KATNB1: variants seen among roughly 807,000 people sequenced by gnomAD.
KATNB1 encodes the protein katanin p80 WD40 repeat-containing subunit B1.
In KATNB1, 38 loss-of-function variants were observed where a neutral mutation model predicts 82.3. That is an observed-to-expected ratio of 0.46 (90% confidence interval 0.36 to 0.61). The LOEUF (loss-of-function observed/expected upper bound fraction) is 0.61, where lower values mean the gene tolerates loss of function less well. KATNB1 is among the 20% of genes least tolerant of loss of function. The probability of loss-of-function intolerance (pLI) is 0.00; values close to 1 mark genes in which losing one functional copy is unlikely to be tolerated. For synonymous variants in KATNB1, 361 were observed against 368.7 expected, an observed-to-expected ratio of 0.98 and a Z score of 0.24; for missense variants, 749 against 915.7, an observed-to-expected ratio of 0.82 and a Z score of 2.35.
At chr16:57,748,585 G>A (rs938817641) in intron 4 of KATNB1, among the ~76,000 whole-genome samples, 1 of 152,078 alleles carries the variant, frequency 6.6e-6, no homozygotes, top group Admixed American at 6.6e-5. Context: ...GGGAGGCGTT[G>A]GGGGTTCCTG....
chr16:57,744,010 CAG>C, intron 3 of KATNB1, among the ~76,000 whole-genome samples: 1 of 152,212 alleles, frequency 6.6e-6, no homozygotes, highest in Non-Finnish European at 1.5e-5. Flanking sequence ...TTGCCTGGGG[CAG>C]AGTGAAGATG....
intron 3 of KATNB1, among the ~76,000 whole-genome samples, chr16:57,743,316 G>A (rs1316725642): frequency 6.6e-6 from 1 of 152,102 alleles, no homozygotes; most frequent in Non-Finnish European, 1.5e-5. Flanking sequence ...AAAGAATATG[G>A]CAAAGGATGA....
chr16:57,740,996 G>A (rs1047198349), intron 2 of KATNB1, among the ~76,000 whole-genome samples: 2 of 152,180 alleles, frequency 1.3e-5, no homozygotes, highest in Non-Finnish European at 2.9e-5. Flanking sequence ...AGACACCACG[G>A]GCATCCCCAC....
intron 2 of KATNB1, among the ~76,000 whole-genome samples, chr16:57,740,055 C>T (rs1458068198): frequency 6.6e-6 from 1 of 152,212 alleles, no homozygotes; most frequent in Admixed American, 6.5e-5. Context: ...AGGTGCTTTG[C>T]CCTCTTTCTG....
Position 57,751,204 on chromosome 16 carries a change from C to G in KATNB1, c.391-57C>G. On this transcript the variant is annotated intron_variant, in intron 5 of 19. Coordinates refer to ENST00000379661, the MANE Select transcript of KATNB1 (RefSeq NM_005886.3). This position sits in a 1 kb window ranked among gnomAD's most constrained non-coding sequence, Gnocchi z 6.3. ...TCTGCTCACGACTGCACACCTTCCT[C>G]CAGTCGTGGCTCTGACCTCTCCTGA... 6.5e-7 allele frequency: 1 copy of G among 1,528,078 alleles called. No homozygotes were observed. The highest frequency in any genetic ancestry group is 9.1e-7 in the Non-Finnish European group (1 of 1,101,780). 94.7% of individuals were successfully genotyped at this position (1,528,078 alleles called of 1,614,324 possible).
intron 4 of KATNB1, among the ~76,000 whole-genome samples, chr16:57,746,367 C>A (rs1167307888): frequency 6.7e-6 from 1 of 148,154 alleles, no homozygotes; most frequent in Non-Finnish European, 1.5e-5. Flanking sequence ...TCTCTCTTTT[C>A]TTTCCTCTCT....
chr16:57,749,006 G>T (rs1421668581), intron 4 of KATNB1, among the ~76,000 whole-genome samples: 1 of 152,232 alleles, frequency 6.6e-6, no homozygotes, highest in Non-Finnish European at 1.5e-5. Context: ...ACGGAGCAAG[G>T]AGTGACAGCT....
chr16:57,752,098 T>C, intron 8 of KATNB1, 43 bp downstream of exon 8: 1 of 1,254,278 alleles, frequency 8.0e-7, no homozygotes, highest in South Asian at 1.2e-5. Flanking sequence ...ACTGCTGTCC[T>C]TCACCGCCTT....
chr16:57,744,424 A>G lies in KATNB1; in HGVS notation c.202A>G (p.Ser68Gly). 6.2e-7 allele frequency: 1 copy of G among 1,613,696 alleles called. No homozygotes were observed. The highest frequency in any genetic ancestry group is 8.5e-7 in the Non-Finnish European group (1 of 1,179,986). Residue 68 changes from serine to glycine, a missense_variant, in exon 4 of 20, where the codon AGC (serine) becomes GGC (glycine). This residue lies in a region of KATNB1 where 247 missense variants were observed against 349.4 expected (regional missense o/e 0.71). Transcript: ENST00000379661. ...SLTGHTSPVE[S>G]VRLNTPEELI... ...GACGGGCCACACATCCCCAGTGGAG[A>G]GCGTCCGCCTCAACACCCCCGAGGA...
chr16:57,748,575 G>A (rs781992940), intron 4 of KATNB1, among the ~76,000 whole-genome samples: 7 of 152,030 alleles, frequency 4.6e-5, no homozygotes, highest in African/African-American at 1.4e-4. Flanking sequence ...GTGCTCAGCT[G>A]GGAGGCGTTG....
chr16:57,754,974 G>A lies in KATNB1; in HGVS notation c.1273G>A (p.Asp425Asn). The A allele has an allele frequency of 6.2e-7, 1 of 1,614,108 alleles. No homozygotes were observed. Among genetic ancestry groups the A allele is most frequent in the South Asian group, 1.1e-5 (1 of 91,090 alleles). Residue 425 changes from aspartate to asparagine, a missense_variant, in exon 14 of 20, where the codon GAT becomes AAT. By Grantham distance (23) the Asp-to-Asn change is conservative (BLOSUM62 1). This residue lies in a region of KATNB1 where 407 missense variants were observed against 434.7 expected (regional missense o/e 0.94). Coordinates refer to ENST00000379661, the MANE Select transcript of KATNB1 (RefSeq NM_005886.3). Reference protein sequence around the residue: ...KEAAKPSPAMDVQFPVPNLEV... With the variant: ...KEAAKPSPAMNVQFPVPNLEV... ...GGCAGCAAAGCCCAGCCCTGCCATG[G>A]ATGTGCAGTTCCCGGTGCCAAATGT...
At position 57,741,697 on chromosome 16, in the gene KATNB1, C is replaced by G. The variant is rs782077364; in HGVS notation, c.51C>G (p.Val17=). 14 of 1,613,638 alleles carry G rather than the reference C, an allele frequency of 8.7e-6. No individual in the cohort carries two copies. The Admixed American group carries it at 2.2e-4, about 25-fold the overall frequency. ...TKTAWKLQEI[V]AHASNVSSLV... ...TCCTTCCCTGTGTAGAAGAGATCGT[C>G]GCGCATGCCAGCAACGTGTCCTCAC... Residue 17 remains valine, a synonymous_variant, in exon 3 of 20, where the codon GTC becomes GTG. Transcript: ENST00000379661.
intron 3 of KATNB1, among the ~76,000 whole-genome samples, chr16:57,743,098 C>T (rs1196728690): frequency 2.0e-5 from 3 of 152,144 alleles, no homozygotes; most frequent in African/African-American, 7.2e-5. Flanking sequence ...TTTGAGACCG[C>T]CCTGGCCAAC....
chr16:57,751,844 A>G lies in KATNB1; in HGVS notation c.517-96A>G. 1.4e-6 allele frequency: 2 copies of G among 1,395,702 alleles called. No individual in the cohort carries two copies. The highest frequency in any genetic ancestry group is 2.0e-6 in the Non-Finnish European group (2 of 993,158). 86.5% of individuals were successfully genotyped at this position (1,395,702 alleles called of 1,614,324 possible). A position where few individuals can be genotyped will look rare whatever the true frequency, so the allele number is the denominator to read the frequency against. ...ATGTCCCAAGCCTATCCCGAGTGGA[A>G]GGTAGCTTGTGGATAAAGAGCTTGG... On this transcript the variant is annotated intron_variant, in intron 7 of 19. Transcript: ENST00000379661. The surrounding 1 kb of genome is among the most constrained non-coding windows in gnomAD (Gnocchi z 6.3).
At chr16:57,749,979 T>A (rs931085965) in intron 4 of KATNB1, among the ~76,000 whole-genome samples, 1 of 152,206 alleles carries the variant, frequency 6.6e-6, no homozygotes, top group Non-Finnish European at 1.5e-5. Flanking sequence ...GCCCTCCACT[T>A]GCCCTTCTTA....
intron 4 of KATNB1, among the ~76,000 whole-genome samples, chr16:57,746,484 C>T (rs563979169): frequency 5.9e-5 from 9 of 152,304 alleles, no homozygotes; most frequent in Non-Finnish European, 1.2e-4. Context: ...TGGTTTCATG[C>T]GGTTGTGGTC....
In KATNB1 at chr16:57,755,473, G is replaced by A. The variant is rs2049268845; in HGVS notation, c.1545G>A (p.Val515=). Residue 515 remains valine (V), a synonymous_variant, in exon 16 of 20, where the codon GTG becomes GTA. Transcript: ENST00000379661. The stretch of plus-strand genomic sequence containing the variant: ...AGAACCTGGACACTGTGCGGGCTGT[G>A]TGGACCATGGGCGACATCAAGGCAA... The part of the protein sequence containing the change: ...RHKNLDTVRA[V]WTMGDIKTSV... 3 of 1,613,212 alleles carry A rather than the reference G, an allele frequency of 1.9e-6. No homozygotes were observed. The highest frequency in any genetic ancestry group is 2.5e-6 in the Non-Finnish European group (3 of 1,179,878).
Position 57,737,095 on chromosome 16 carries a change from G to A in KATNB1, c.-149G>A, listed in dbSNP as rs1050730256. The A allele has an allele frequency of 1.4e-5, 13 of 961,726 alleles. No individual in the cohort carries two copies. The highest frequency in any genetic ancestry group is 1.9e-5 in the Non-Finnish European group (12 of 618,598). The allele number at this position is 961,726 out of a possible 1,614,324, so 59.6% of individuals were successfully genotyped here. On this transcript the variant is annotated 5_prime_UTR_variant, in exon 2 of 20. Coordinates refer to ENST00000379661, the MANE Select transcript of KATNB1 (RefSeq NM_005886.3). ...AATTTGGAACCACGAGGCACCCCAGGGCCAGAAGACGAGGCATTCTGTCTG... is the reference window on the plus strand; with the variant it reads ...AATTTGGAACCACGAGGCACCCCAGAGCCAGAAGACGAGGCATTCTGTCTG...
rs782015039 is a variant in KATNB1, at chr16:57,741,777, G to A, written c.131G>A (p.Arg44His). 17 of 1,613,582 alleles carry A rather than the reference G, an allele frequency of 1.1e-5. No homozygotes were observed. Among genetic ancestry groups the A allele is most frequent in the South Asian group, 8.8e-5 (8 of 91,056 alleles). The change falls in exon 3 of 20, where the codon CGC (arginine) becomes CAC (histidine). Residue 44 changes from arginine (R) to histidine (H), a missense_variant. By Grantham distance (29) the Arg-to-His change is conservative (BLOSUM62 0). This residue lies in a region of KATNB1 where 247 missense variants were observed against 349.4 expected (regional missense o/e 0.71). Coordinates refer to ENST00000379661, the MANE Select transcript of KATNB1 (RefSeq NM_005886.3). ...CTGGCTACAGGCGGGGATGACTGCCGCGTCAACCTGTGGTCCATCAACAAG... is the reference window on the plus strand; with the variant it reads ...CTGGCTACAGGCGGGGATGACTGCCACGTCAACCTGTGGTCCATCAACAAG... ...RLLATGGDDC[R>H]VNLWSINKPN...
Sources: allele counts gnomAD v4.1 joint callset (sites outside exome capture counted in the v4.1 genomes callset), GRCh38; gene constraint gnomAD v4.1.1; regional missense constraint gnomAD v4.1.1; non-coding constraint Gnocchi (gnomAD v3.1); transcripts MANE v1.5; gene names NCBI Gene and HGNC (gene_info 2026-07-23, HGNC 2026-07-21).